The following CTNNA2 variants were observed in gnomAD, a reference collection of about 807,000 sequenced individuals.
CTNNA2 encodes the protein catenin alpha 2, also known as catenin alpha-2.
A neutral mutation model predicts 101.0 loss-of-function variants in CTNNA2; 42 were observed. The ratio of observed to expected loss-of-function variants is 0.42; its 90% CI spans 0.32 to 0.54. CTNNA2 has a LOEUF of 0.54. Among genes scored for constraint, CTNNA2 ranks in the 20% least tolerant of loss-of-function variants. The probability of loss-of-function intolerance (pLI) is 0.14; values close to 1 mark genes in which losing one functional copy is unlikely to be tolerated. For missense variants in CTNNA2, 871 were observed against 1,223.1 expected, an observed-to-expected ratio of 0.71 and a Z score of 4.29; for synonymous variants, 450 against 456.4, an observed-to-expected ratio of 0.99 and a Z score of 0.18.
At chr2:80,336,618 C>T (rs922370444) in intron 7 of CTNNA2, among the ~76,000 whole-genome samples, 6 of 152,120 alleles carry the variant, frequency 3.9e-5, no homozygotes, top group African/African-American at 1.4e-4. Flanking sequence ...TCTCAAACCC[C>T]TATATAGTAC....
At chr2:79,376,525 T>A (rs1403051721) in intron 4 of CTNNA2, among the ~76,000 whole-genome samples, 1 of 152,158 alleles carries the variant, frequency 6.6e-6, no homozygotes. Flanking sequence ...AGGGTACATG[T>A]GCACAACGTG....
At chr2:79,855,016 G>C (rs1289713288) in intron 3 of CTNNA2, among the ~76,000 whole-genome samples, 1 of 152,118 alleles carries the variant, frequency 6.6e-6, no homozygotes, top group Non-Finnish European at 1.5e-5. Flanking sequence ...CTGATTTGAG[G>C]TTGCCTTTCC....
intron 6 of CTNNA2, among the ~76,000 whole-genome samples, 167 bp from the exon 7 acceptor site, chr2:79,909,427 T>G (rs1685640292): frequency 6.6e-6 from 1 of 152,234 alleles, no homozygotes; most frequent in Non-Finnish European, 1.5e-5. Context: ...ACAAAATATC[T>G]AGAAAAAGTT....
chr2:80,611,707 G>A (rs1253492703), intron 17 of CTNNA2, among the ~76,000 whole-genome samples: 2 of 151,628 alleles, frequency 1.3e-5, no homozygotes, highest in East Asian at 2.0e-4. Context: ...CAGAGCGTAT[G>A]ATTCTGAACA....
intron 6 of CTNNA2, among the ~76,000 whole-genome samples, chr2:79,895,015 T>A (rs1008979625): frequency 1.3e-5 from 2 of 152,250 alleles, no homozygotes; most frequent in African/African-American, 4.8e-5. Flanking sequence ...CATGGCTACA[T>A]GATCATGCTA....
intron 2 of CTNNA2, among the ~76,000 whole-genome samples, chr2:79,221,627 C>G (rs978961073): frequency 6.6e-6 from 1 of 151,508 alleles, no homozygotes; most frequent in Non-Finnish European, 1.5e-5. Flanking sequence ...AAAAAACTGA[C>G]AAGTCTGTAT....
chr2:80,457,434 AATT>A (rs1324605106), intron 9 of CTNNA2, among the ~76,000 whole-genome samples: 3 of 152,212 alleles, frequency 2.0e-5, no homozygotes, highest in Admixed American at 6.5e-5. Context: ...AAATATGTAC[AATT>A]ATTATGTATC....
At chr2:79,487,187 T>C (rs1558679306) in intron 4 of CTNNA2, among the ~76,000 whole-genome samples, 1 of 152,206 alleles carries the variant, frequency 6.6e-6, no homozygotes, top group Non-Finnish European at 1.5e-5. Flanking sequence ...GTAGATTTGA[T>C]GATGAATGAG....
chr2:79,259,772 T>A (rs1277530910), intron 2 of CTNNA2, among the ~76,000 whole-genome samples: 1 of 152,066 alleles, frequency 6.6e-6, no homozygotes. Flanking sequence ...GGTGGTGGAC[T>A]GAGAAGGAAC....
intron 3 of CTNNA2, among the ~76,000 whole-genome samples, chr2:79,352,039 C>T (rs1302606419): frequency 2.6e-5 from 4 of 152,168 alleles, no homozygotes; most frequent in Non-Finnish European, 4.4e-5. Context: ...GCATTCCTGC[C>T]AACAGCATAT....
chr2:79,487,663 C>A (rs761938270), intron 4 of CTNNA2, among the ~76,000 whole-genome samples: 2 of 152,140 alleles, frequency 1.3e-5, no homozygotes, highest in Non-Finnish European at 2.9e-5. Flanking sequence ...TGTGAGTCAG[C>A]CATTTAACAC....
chr2:79,467,612 A>T (rs9750754), intron 4 of CTNNA2, among the ~76,000 whole-genome samples: 10,453 of 152,234 alleles, frequency 0.069, 743 homozygotes, highest in African/African-American at 0.19. Flanking sequence ...AAAAAATGTT[A>T]AGGGCAGCCA....
At chr2:80,057,876 G>T (rs1697329888) in intron 7 of CTNNA2, among the ~76,000 whole-genome samples, 1 of 152,092 alleles carries the variant, frequency 6.6e-6, no homozygotes, top group Non-Finnish European at 1.5e-5. Flanking sequence ...TGAGGATCTT[G>T]CTATCCTAGC....
At position 79,372,022 on chromosome 2, in the gene CTNNA2, T is replaced by G. The variant is rs528362479; in HGVS notation, c.-317-1809T>G. Among the ~76,000 whole-genome samples, 18 of 152,306 alleles carry G rather than the reference T, an allele frequency of 1.2e-4. No individual in the cohort carries two copies. The South Asian group carries it at 3.7e-3, about 32-fold the overall frequency. On this transcript the variant is annotated intron_variant, in intron 3 of 21. Transcript: ENST00000466387. ...TCTGAAAACTCTAAAACAGCCATTC[T>G]CCACCTTTTGAATCCCATGGGAAGC... is the stretch of plus-strand genomic sequence containing the variant.
chr2:79,624,678 G>T (rs1679197645), intron 1 of CTNNA2, among the ~76,000 whole-genome samples: 1 of 152,126 alleles, frequency 6.6e-6, no homozygotes, highest in Non-Finnish European at 1.5e-5. Context: ...AAAATATATT[G>T]TGCTTTGACT....
intron 1 of CTNNA2, among the ~76,000 whole-genome samples, chr2:79,518,986 T>C (rs1359667095): frequency 2.0e-5 from 3 of 152,116 alleles, no homozygotes; most frequent in African/African-American, 7.2e-5. Flanking sequence ...CCCAGCACTT[T>C]GGGAGGCTGA....
At position 80,545,988 on chromosome 2, in the gene CTNNA2, T is replaced by C. The variant is rs1249034825; in HGVS notation, c.1465T>C (p.Trp489Arg). 3 of 1,614,080 alleles carry C rather than the reference T, an allele frequency of 1.9e-6. No homozygotes were observed. The highest frequency in any genetic ancestry group is 2.2e-5 in the East Asian group (1 of 44,834). Residue 489 changes from tryptophan (W) to arginine (R), a missense_variant, in exon 11 of 19, where the codon TGG becomes CGG. Trp to Arg is a moderately radical substitution (Grantham distance 101, BLOSUM62 -3). Transcript: ENST00000402739. ...QDNMDVFKDQ[W>R]EKQVRVLTEA... is the part of the protein sequence containing the mutation. The stretch of plus-strand genomic sequence containing the variant: ...TAACATGGACGTCTTCAAAGACCAG[T>C]GGGAGAAGCAGGTCCGAGTGTTGAC...
intron 7 of CTNNA2, among the ~76,000 whole-genome samples, chr2:79,921,795 G>A (rs905751269): frequency 5.3e-5 from 8 of 152,164 alleles, no homozygotes; most frequent in Non-Finnish European, 1.0e-4. Context: ...ACCTTGAATT[G>A]AGCTTTCGTT....
chr2:80,153,464 AG>A (rs1703824472), intron 7 of CTNNA2, among the ~76,000 whole-genome samples: 1 of 152,212 alleles, frequency 6.6e-6, no homozygotes, highest in African/African-American at 2.4e-5. Flanking sequence ...GATCTTAAAA[AG>A]TAGTAGAGAT....
Sources: gnomAD v4.1 joint callset for allele counts (sites outside exome capture counted in the v4.1 genomes callset) on GRCh38, gnomAD v4.1.1 for gene constraint, MANE v1.5 for transcripts, NCBI Gene and HGNC (gene_info 2026-07-23, HGNC 2026-07-21) for gene names.